Variants in NPR1 observed in about 807,000 individuals in gnomAD.
NPR1 encodes the protein atrial natriuretic peptide receptor 1.
Under a neutral mutation model 116.9 loss-of-function variants are expected in NPR1, and 57 were observed. That is an observed-to-expected ratio of 0.49 (90% CI 0.39 to 0.61). The LOEUF (loss-of-function observed/expected upper bound fraction) is 0.61. Ranked by LOEUF, NPR1 falls within the 20% of genes least tolerant of loss-of-function variation. The probability of loss-of-function intolerance (pLI) is 0.00; values close to 1 mark genes in which losing one functional copy is unlikely to be tolerated. For synonymous variants in NPR1, 555 were observed against 601.6 expected (o/e 0.92, Z 1.13); for missense variants, 1,096 against 1,409.8 (o/e 0.78, Z 3.56).
chr1:153,685,904 G>C, intron 9 of NPR1, 24 bp downstream of exon 9: 2 of 1,603,792 alleles, frequency 1.2e-6, no homozygotes, highest in Non-Finnish European at 1.7e-6. Context: ...AAGATCACTG[G>C]GCCTTGGGAC....
At chr1:153,680,420 C>T in intron 1 of NPR1, 81 bp from the exon 2 acceptor site, 1 of 1,336,298 alleles carries the variant, frequency 7.5e-7, no homozygotes. Flanking sequence ...TAAACTTCCT[C>T]CCTTGGGTGC....
rs766304472 is a variant in NPR1 at position 153,679,450 on chromosome 1, G to C, written c.342G>C (p.Leu114=). ...LKWEHNPAVF[L]GPGCVYAAAP... is the part of the protein sequence containing the mutation. ...GGGAGCACAACCCCGCTGTGTTCCT[G>C]GGCCCCGGCTGCGTGTACGCCGCCG... is the stretch of plus-strand genomic sequence containing the variant. The change falls in exon 1 of 22, where the codon CTG becomes CTC. Residue 114 remains leucine (L), a synonymous_variant. Transcript: ENST00000368680. The surrounding 1 kb of genome is among the most constrained non-coding windows in gnomAD (Gnocchi z 4.2). 34 of 1,542,382 alleles carry C rather than the reference G, an allele frequency of 2.2e-5. No individual in the cohort carries two copies. The Admixed American group carries it at 6.4e-4, about 29-fold the overall frequency.
Position 153,689,176 on chromosome 1 carries a change from C to A in NPR1, c.2565-12C>A. The A allele has an allele frequency of 6.2e-7, 1 of 1,614,234 alleles. No individual in the cohort carries two copies. Among genetic ancestry groups the A allele is most frequent in the Non-Finnish European group, 8.5e-7 (1 of 1,180,038 alleles). On this transcript the variant is annotated splice_polypyrimidine_tract_variant and intron_variant, in intron 16 of 21. Transcript: ENST00000368680. This position sits in a 1 kb window ranked among gnomAD's most constrained non-coding sequence, Gnocchi z 5.1. The stretch of plus-strand genomic sequence containing the variant: ...CCCCAACTCTGATCCTGCACCTGCC[C>A]TGACCCCTTAGCTCAGTGGCTGAGC...
rs1669850973 is a variant in NPR1, at chr1:153,683,786, C to T, written c.1446C>T (p.Ser482=). 1 of 1,614,126 alleles carries T rather than the reference C, an allele frequency of 6.2e-7. No individual in the cohort carries two copies. Among genetic ancestry groups the T allele is most frequent in the Non-Finnish European group, 8.5e-7 (1 of 1,180,038 alleles). Reference sequence around the variant, plus strand: ...TGCTGGCTTTGGTGGGCAGCCTCTCCTTGCTCGGCATTCTGATTGTCTCCT... The same window carrying T: ...TGCTGGCTTTGGTGGGCAGCCTCTCTTTGCTCGGCATTCTGATTGTCTCCT... ...LEVLALVGSL[S]LLGILIVSFF... Residue 482 remains serine, a synonymous_variant, in exon 7 of 22, where the codon TCC becomes TCT. Transcript: ENST00000368680.
rs1355097027 is a variant in NPR1 at position 153,690,391 on chromosome 1, C to A, written c.3031+9C>A. ...GGAGTCTAATGGGGAAGGTACAGTG[C>A]CCCCTCCTAGAGGGAATGGGGAGGG... On this transcript the variant is annotated intron_variant, in intron 20 of 21. Coordinates refer to ENST00000368680, the MANE Select transcript of NPR1 (RefSeq NM_000906.4). 5 of 1,547,732 alleles carry A rather than the reference C, an allele frequency of 3.2e-6. No homozygotes were observed. Among genetic ancestry groups the A allele is most frequent in the Non-Finnish European group, 4.4e-6 (5 of 1,142,444 alleles).
intron 3 of NPR1, 21 bp from the exon 4 acceptor site, chr1:153,681,683 G>A (rs369305947): frequency 2.4e-5 from 39 of 1,609,882 alleles, no homozygotes; most frequent in Admixed American, 2.2e-4. Context: ...CACCCCAGCC[G>A]ACCTCTGTTT....
Position 153,682,543 on chromosome 1 carries a change from C to A in NPR1, c.1217C>A (p.Thr406Lys), listed in dbSNP as rs773170125. The change falls in exon 5 of 22, where the codon ACA becomes AAA. Residue 406 changes from threonine (T) to lysine (K), a missense_variant. By Grantham distance (78) the Thr-to-Lys change is moderately conservative. Transcript: ENST00000368680. ...ATTGATAGCAGTGGCGATCGGGAAA[C>A]AGACTTCTCCCTCTGGGATATGGAT... ...LKIDSSGDRE[T>K]DFSLWDMDPE... The A allele has an allele frequency of 1.9e-6, 3 of 1,613,980 alleles. No homozygotes were observed. Among genetic ancestry groups the A allele is most frequent in the Non-Finnish European group, 2.5e-6 (3 of 1,179,940 alleles).
intron 13 of NPR1, 51 bp downstream of exon 13, chr1:153,687,407 G>A: frequency 6.3e-7 from 1 of 1,591,336 alleles, no homozygotes; most frequent in South Asian, 1.1e-5. Context: ...CACCCAGTAG[G>A]GAGACTGATG....
chr1:153,683,664 A>G, intron 6 of NPR1, 76 bp from the exon 7 acceptor site: 1 of 1,553,222 alleles, frequency 6.4e-7, no homozygotes, highest in African/African-American at 1.4e-5. Context: ...CAGTTCACTG[A>G]TGGACTATTA....
chr1:153,688,352 T>A, intron 15 of NPR1, 131 bp downstream of exon 15: 1 of 899,892 alleles, frequency 1.1e-6, no homozygotes, highest in Non-Finnish European at 1.7e-6. Flanking sequence ...CATAGTCAGC[T>A]CCAGCTCAGC....
intron 5 of NPR1, 111 bp from the exon 6 acceptor site, chr1:153,683,265 A>C (rs1669832527): frequency 7.8e-7 from 1 of 1,277,078 alleles, no homozygotes; most frequent in African/African-American, 1.5e-5. Flanking sequence ...ACCCAGATAT[A>C]TATGTAGGCT....
chr1:153,683,300 G>A, intron 5 of NPR1, 76 bp from the exon 6 acceptor site: 2 of 1,512,336 alleles, frequency 1.3e-6, no homozygotes, highest in South Asian at 2.5e-5. Context: ...GGGGTAGGTG[G>A]GAGGTGAGAC....
intron 1 of NPR1, among the ~76,000 whole-genome samples, chr1:153,680,196 C>G (rs1192156882): frequency 6.7e-6 from 1 of 149,012 alleles, no homozygotes; most frequent in Non-Finnish European, 1.5e-5. Flanking sequence ...CTCCCTCTCC[C>G]TCCTCTCTCC....
chr1:153,680,548 C>A lies in NPR1; in HGVS notation c.769C>A (p.Leu257Met). The A allele has an allele frequency of 6.2e-7, 1 of 1,614,208 alleles. No individual in the cohort carries two copies. Among genetic ancestry groups the A allele is most frequent in the Non-Finnish European group, 8.5e-7 (1 of 1,180,034 alleles). ...SPDAFRTLML[L>M]ALEAGLCGED... ...TGATGCCTTCAGAACCCTCATGCTC[C>A]TGGCCCTGGAAGCTGGCTTGTGTGG... Residue 257 changes from leucine to methionine, a missense_variant, in exon 2 of 22, where the codon CTG (leucine) becomes ATG (methionine). Transcript: ENST00000368680.
chr1:153,682,957 G>A (rs1472024967), intron 5 of NPR1, among the ~76,000 whole-genome samples: 8 of 152,218 alleles, frequency 5.3e-5, no homozygotes, highest in African/African-American at 1.7e-4. Flanking sequence ...TGGCCACAAG[G>A]GACAGGTCAT....
chr1:153,687,513 G>A, intron 13 of NPR1, 121 bp from the exon 14 acceptor site: 1 of 1,469,970 alleles, frequency 6.8e-7, no homozygotes, highest in Non-Finnish European at 9.2e-7. Flanking sequence ...GGTTTCTAAG[G>A]CCTCCTCTAG....
Position 153,679,439 on chromosome 1 carries a change from G to T in NPR1, c.331G>T (p.Ala111Ser), listed in dbSNP as rs762815604. ...GGACCTCAAGTGGGAGCACAACCCC[G>T]CTGTGTTCCTGGGCCCCGGCTGCGT... The part of the protein sequence containing the change: ...AVDLKWEHNP[A>S]VFLGPGCVYA... Residue 111 changes from alanine to serine, a missense_variant, in exon 1 of 22, where the codon GCT becomes TCT. Physicochemically the swap from Ala to Ser is moderately conservative, Grantham distance 99 (BLOSUM62 1). Transcript: ENST00000368680. This position sits in a 1 kb window ranked among gnomAD's most constrained non-coding sequence, Gnocchi z 4.2. 9 of 1,543,124 alleles carry T rather than the reference G, an allele frequency of 5.8e-6. No individual in the cohort carries two copies. Among genetic ancestry groups the T allele is most frequent in the East Asian group, 4.8e-5 (2 of 41,268 alleles).
In NPR1 at chr1:153,689,833, G is replaced by C. The variant is rs1364805890; in HGVS notation, c.2785G>C (p.Val929Leu). Residue 929 changes from valine (V) to leucine (L), a missense_variant, in exon 19 of 22, where the codon GTG becomes CTG. Val to Leu is a conservative substitution (Grantham distance 32). Transcript: ENST00000368680. This position sits in a 1 kb window ranked among gnomAD's most constrained non-coding sequence, Gnocchi z 5.1. The stretch of plus-strand genomic sequence containing the variant: ...GGAGACAATTGGCGATGCCTACATG[G>C]TGGTGTCAGGGCTCCCTGTGCGGAA... Reference protein sequence around the residue: ...KVETIGDAYMVVSGLPVRNGR... With the variant: ...KVETIGDAYMLVSGLPVRNGR... 6.3e-7 allele frequency: 1 copy of C among 1,583,882 alleles called. No individual in the cohort carries two copies. Among genetic ancestry groups the C allele is most frequent in the South Asian group, 1.1e-5 (1 of 87,860 alleles).
chr1:153,684,065 A>G (rs1324672312), intron 7 of NPR1, among the ~76,000 whole-genome samples: 2 of 152,186 alleles, frequency 1.3e-5, no homozygotes, highest in African/African-American at 4.8e-5. Flanking sequence ...TCCAAGAAGC[A>G]GAGAAGTTGA....
Sources: gnomAD v4.1 joint callset for allele counts (sites outside exome capture counted in the v4.1 genomes callset) on GRCh38, gnomAD v4.1.1 for gene constraint, Gnocchi (gnomAD v3.1) non-coding constraint, MANE v1.5 for transcripts, NCBI Gene and HGNC (gene_info 2026-07-23, HGNC 2026-07-21) for gene names.